EXOC6: variants seen among roughly 807,000 people sequenced by gnomAD.
EXOC6 encodes the protein SEC15-like 1.
Under a neutral mutation model 112.5 loss-of-function variants are expected in EXOC6, and 60 were observed. The ratio of observed to expected loss-of-function variants is 0.53; its 90% CI spans 0.43 to 0.66. The LOEUF is 0.66. Ranked by LOEUF, EXOC6 falls within the 30% of genes least tolerant of loss-of-function variation. The pLI, the probability that EXOC6 is intolerant of heterozygous loss-of-function variation, is 0.00. For missense variants in EXOC6, 855 were observed against 957.1 expected, an observed-to-expected ratio of 0.89 and a Z score of 1.41; for synonymous variants, 295 against 308.0, an observed-to-expected ratio of 0.96 and a Z score of 0.44.
intron 1 of EXOC6, among the ~76,000 whole-genome samples, chr10:92,892,378 C>T (rs145216871): frequency 7.2e-4 from 109 of 152,298 alleles, no homozygotes; most frequent in East Asian, 2.3e-3. Flanking sequence ...TGTGGTAACA[C>T]GCATGGAGTA....
At chr10:92,983,387 A>C (rs1346426397) in intron 18 of EXOC6, among the ~76,000 whole-genome samples, 3 of 152,030 alleles carry the variant, frequency 2.0e-5, no homozygotes. Context: ...AAAACAGAGA[A>C]TATCTAGTGA....
chr10:92,893,357 A>T lies in EXOC6; in HGVS notation c.110A>T (p.Tyr37Phe). 1 of 1,610,498 alleles carries T rather than the reference A, an allele frequency of 6.2e-7. No homozygotes were observed. The highest frequency in any genetic ancestry group is 8.5e-7 in the Non-Finnish European group (1 of 1,178,132). Residue 37 changes from tyrosine (Y) to phenylalanine (F), a missense_variant, in exon 2 of 22, where the codon TAT becomes TTT. Transcript: ENST00000260762. ...ACVGPTLRSV[Y>F]DDQPNAHKKF... Reference sequence around the variant, plus strand: ...TTCTTATATACATTCAGGTCTGTGTATGATGACCAACCAAATGCGCACAAG... The same window carrying T: ...TTCTTATATACATTCAGGTCTGTGTTTGATGACCAACCAAATGCGCACAAG...
intron 8 of EXOC6, among the ~76,000 whole-genome samples, chr10:92,923,273 G>A (rs1851541536): frequency 6.6e-6 from 1 of 152,184 alleles, no homozygotes; most frequent in Non-Finnish European, 1.5e-5. Flanking sequence ...TTCTTGAACA[G>A]TTTCCTTCTT....
intron 18 of EXOC6, among the ~76,000 whole-genome samples, chr10:92,984,935 G>A (rs568410579): frequency 6.6e-6 from 1 of 152,174 alleles, no homozygotes; most frequent in African/African-American, 2.4e-5. Flanking sequence ...GGAAGTCTAG[G>A]CTGCAGTGAG....
At chr10:92,870,624 C>T (rs866074872) in intron 1 of EXOC6, among the ~76,000 whole-genome samples, 1 of 151,842 alleles carries the variant, frequency 6.6e-6, no homozygotes, top group South Asian at 2.1e-4. Context: ...AGACTTTTTC[C>T]GATCTTTGGA....
intron 19 of EXOC6, among the ~76,000 whole-genome samples, chr10:93,000,366 A>G (rs910850525): frequency 6.6e-6 from 1 of 152,100 alleles, no homozygotes; most frequent in African/African-American, 2.4e-5. Context: ...TCTTTGCCTC[A>G]CTATCCTGCC....
At chr10:92,962,048 A>G (rs928633173) in intron 17 of EXOC6, among the ~76,000 whole-genome samples, 12 of 152,228 alleles carry the variant, frequency 7.9e-5, no homozygotes, top group African/African-American at 2.9e-4. Context: ...TGACAATCTC[A>G]GATAATCCAA....
At chr10:92,975,780 G>A (rs1266596964) in intron 18 of EXOC6, among the ~76,000 whole-genome samples, 3 of 133,744 alleles carry the variant, frequency 2.2e-5, no homozygotes, top group Admixed American at 7.2e-5. Flanking sequence ...CGCCCCATCC[G>A]GGAGGGAGGT....
At chr10:92,978,151 T>TA (rs1412196772) in intron 18 of EXOC6, among the ~76,000 whole-genome samples, 2 of 152,182 alleles carry the variant, frequency 1.3e-5, no homozygotes, top group African/African-American at 4.8e-5. Flanking sequence ...GGCTCACACC[T>TA]ATAATCCCAG....
chr10:92,849,030 A>G (rs1049259066), intron 1 of EXOC6, among the ~76,000 whole-genome samples: 1 of 151,982 alleles, frequency 6.6e-6, no homozygotes, highest in African/African-American at 2.4e-5. Context: ...CGGGCATGCC[A>G]GGCTAGGGTC....
intron 20 of EXOC6, among the ~76,000 whole-genome samples, chr10:93,017,729 A>T (rs1844596482): frequency 6.7e-6 from 1 of 149,680 alleles, no homozygotes; most frequent in African/African-American, 2.5e-5. Context: ...ATAAAATAAA[A>T]GGCTGGGCGT....
At chr10:93,009,696 G>A (rs1352819309) in intron 19 of EXOC6, among the ~76,000 whole-genome samples, 1 of 152,186 alleles carries the variant, frequency 6.6e-6, no homozygotes, top group Non-Finnish European at 1.5e-5. Flanking sequence ...GAGGAAGGAT[G>A]CTGTAGGCAG....
At chr10:92,919,373 G>T (rs145450527) in intron 7 of EXOC6, among the ~76,000 whole-genome samples, 1 of 152,032 alleles carries the variant, frequency 6.6e-6, no homozygotes, top group African/African-American at 2.4e-5. Context: ...CTTTAAAAAG[G>T]GTTTATGTAT....
rs533410314 is a variant in EXOC6 at position 93,042,986 on chromosome 10, G to A, written c.2170-13938G>A. Among the ~76,000 whole-genome samples, 13 of 151,688 alleles carry A rather than the reference G, an allele frequency of 8.6e-5. No individual in the cohort carries two copies. In the East Asian group the frequency reaches 2.5e-3, roughly 29 times the overall value. The stretch of plus-strand genomic sequence containing the variant: ...TTTTGAGATGGAGTCGCCCAGGCTG[G>A]AGTGCAGTGGCGCAATCTTGGCCCA... On this transcript the variant is annotated intron_variant, in intron 20 of 21. Transcript: ENST00000260762.
intron 20 of EXOC6, among the ~76,000 whole-genome samples, chr10:93,042,942 TATTATTATTATTA>T (rs1845848509): frequency 1.4e-5 from 2 of 143,862 alleles, no homozygotes; most frequent in East Asian, 1.9e-4. Flanking sequence ...TTATTATTAT[TATTATTATTATTA>T]TTATTTTTTG....
chr10:92,840,975 G>A (rs145323955), intron 1 of EXOC6, among the ~76,000 whole-genome samples: 18 of 152,140 alleles, frequency 1.2e-4, no homozygotes, highest in African/African-American at 2.6e-4. Context: ...AGGGTATAAC[G>A]TGACGTTTCA....
intron 1 of EXOC6, among the ~76,000 whole-genome samples, chr10:92,839,246 G>C (rs1269589822): frequency 6.6e-6 from 1 of 152,130 alleles, no homozygotes; most frequent in East Asian, 1.9e-4. Context: ...TAGGTTTCCT[G>C]ATTTTCACTG....
intron 18 of EXOC6, among the ~76,000 whole-genome samples, chr10:92,982,332 A>T (rs1715173878): frequency 1.3e-5 from 2 of 152,206 alleles, no homozygotes; most frequent in Admixed American, 6.5e-5. Context: ...CCTCAAGATC[A>T]TGTTGGGAAA....
chr10:92,925,958 T>C (rs1359941680), intron 8 of EXOC6, among the ~76,000 whole-genome samples: 1 of 152,088 alleles, frequency 6.6e-6, no homozygotes, highest in East Asian at 1.9e-4. Flanking sequence ...GGAGTCAGAC[T>C]TTTCTTGAGA....
Sources: gnomAD v4.1 joint callset for allele counts (sites outside exome capture counted in the v4.1 genomes callset) on GRCh38, gnomAD v4.1.1 for gene constraint, MANE v1.5 for transcripts, NCBI Gene and HGNC (gene_info 2026-07-23, HGNC 2026-07-21) for gene names.